MALRD1: variants seen among roughly 807,000 people sequenced by gnomAD.
The protein encoded by MALRD1 is MAM and LDL receptor class A domain containing 1, also known as MAM and LDL-receptor class A domain-containing protein 1.
In MALRD1, 247 loss-of-function variants were observed where a neutral mutation model predicts 242.1. The observed-to-expected ratio is 1.02, with a 90% CI of 0.92 to 1.13. The LOEUF is 1.13. MALRD1 is among the 50% of genes most tolerant of loss of function. MALRD1 has a pLI of 0.00. For synonymous variants in MALRD1, 995 were observed against 866.6 expected (o/e 1.15, Z -2.60); for missense variants, 2,989 against 2,533.1 (o/e 1.18, Z -3.86).
rs189724428 is a variant in MALRD1 at position 19,295,071 on chromosome 10, T to A, written c.3419+11890T>A. 7.9e-5 allele frequency among the ~76,000 whole-genome samples: 12 copies of A among 152,232 alleles called. No homozygotes were observed. In the East Asian group the frequency reaches 1.7e-3, roughly 22 times the overall value. ...AAAATTTACTAATTCAAGTCATCAC[T>A]GTTATTAGTTGCTTTTGGTGATAAA... On this transcript the variant is annotated intron_variant, in intron 21 of 39. Coordinates refer to ENST00000454679, the MANE Select transcript of MALRD1 (RefSeq NM_001142308.3).
At position 19,204,164 on chromosome 10, in the gene MALRD1, G is replaced by A. The variant is rs1284880055; in HGVS notation, c.2105-144G>A. ...GTTCAATATTTATCAGAACAAATTT[G>A]ACTAAGAGTCACTGATTGATTATTG... On this transcript the variant is annotated intron_variant, in intron 15 of 39. Coordinates refer to ENST00000454679, the MANE Select transcript of MALRD1 (RefSeq NM_001142308.3). 4 of 670,598 alleles carry A rather than the reference G, an allele frequency of 6.0e-6. No homozygotes were observed. The East Asian group carries it at 1.1e-4, about 18-fold the overall frequency. 41.5% of individuals were successfully genotyped at this position (670,598 alleles called of 1,614,324 possible).
At chr10:19,256,769 T>C (rs11009155) in intron 18 of MALRD1, among the ~76,000 whole-genome samples, 69,587 of 151,848 alleles carry the variant, frequency 0.46, 16,527 homozygotes, top group Admixed American at 0.6. Context: ...TTTGTGGTAA[T>C]TTTCAATGAA....
chr10:19,614,509 T>G, intron 35 of MALRD1, among the ~76,000 whole-genome samples: 1 of 151,950 alleles, frequency 6.6e-6, no homozygotes, highest in East Asian at 1.9e-4. Context: ...TTGCAGTGTG[T>G]TAAGTAAAAA....
At chr10:19,650,710 A>T (rs2131704514) in intron 36 of MALRD1, among the ~76,000 whole-genome samples, 1 of 152,306 alleles carries the variant, frequency 6.6e-6, no homozygotes, top group East Asian at 1.9e-4. Context: ...ATAAAAGTAG[A>T]TTGCAGCCTG....
At chr10:19,588,273 C>G (rs945071211) in intron 33 of MALRD1, among the ~76,000 whole-genome samples, 1 of 152,076 alleles carries the variant, frequency 6.6e-6, no homozygotes, top group Admixed American at 6.5e-5. Context: ...TTATGTAACT[C>G]CATATTAATT....
At chr10:19,344,083 G>A (rs1277432995) in intron 24 of MALRD1, among the ~76,000 whole-genome samples, 1 of 152,062 alleles carries the variant, frequency 6.6e-6, no homozygotes, top group Non-Finnish European at 1.5e-5. Flanking sequence ...GTGAATGGCA[G>A]ATATTTTCTC....
chr10:19,079,842 A>G (rs940695616), intron 2 of MALRD1, among the ~76,000 whole-genome samples: 3 of 152,038 alleles, frequency 2.0e-5, no homozygotes, highest in Admixed American at 2.0e-4. Flanking sequence ...CTTTGTTTGC[A>G]GCGGACATGA....
intron 28 of MALRD1, among the ~76,000 whole-genome samples, chr10:19,427,099 TTA>T (rs1833932517): frequency 6.6e-6 from 1 of 152,202 alleles, no homozygotes; most frequent in Non-Finnish European, 1.5e-5. Context: ...GTTTTATATT[TTA>T]TATTCTAGTT....
intron 12 of MALRD1, among the ~76,000 whole-genome samples, chr10:19,156,959 A>C (rs7093764): frequency 0.35 from 52,632 of 151,988 alleles, 9,625 homozygotes; most frequent in Middle Eastern, 0.4. Flanking sequence ...TCTAAAGGCT[A>C]TGGATACTGA....
intron 36 of MALRD1, among the ~76,000 whole-genome samples, chr10:19,656,224 T>C (rs907174753): frequency 6.6e-6 from 1 of 152,180 alleles, no homozygotes; most frequent in African/African-American, 2.4e-5. Context: ...CTAATACTAC[T>C]TGAGGTGTTT....
In MALRD1 at chr10:19,615,922, C is replaced by G; in HGVS notation, c.6136C>G (p.Arg2046Gly). Residue 2046 changes from arginine to glycine, a missense_variant and splice_region_variant, in exon 36 of 40, where the codon CGA (arginine) becomes GGA (glycine). Physicochemically the swap from Arg to Gly is moderately radical, Grantham distance 125. Transcript: ENST00000454679. ...AGTGGAGAAAAATGGTCCTATGTGT[C>G]GGTAAGAAGCATTGTTTAATTTTTT... ...CVVEKNGPMC[R>G]CRQGWKGNRC... 1 of 1,518,418 alleles carries G rather than the reference C, an allele frequency of 6.6e-7. No individual in the cohort carries two copies. Among genetic ancestry groups the G allele is most frequent in the South Asian group, 1.2e-5 (1 of 81,816 alleles). 94.1% of individuals were successfully genotyped at this position (1,518,418 alleles called of 1,614,324 possible).
chr10:19,639,693 A>T (rs10827723), intron 36 of MALRD1, among the ~76,000 whole-genome samples: 8,130 of 152,274 alleles, frequency 0.053, 270 homozygotes, highest in Middle Eastern at 0.11. Context: ...AGCAGTTGAA[A>T]GTTAGTATGC....
At chr10:19,412,394 G>A (rs4450082) in intron 28 of MALRD1, among the ~76,000 whole-genome samples, 11,370 of 152,124 alleles carry the variant, frequency 0.075, 884 homozygotes, top group African/African-American at 0.2. Flanking sequence ...AAGGGGTACT[G>A]GAAAAACCCC....
intron 13 of MALRD1, among the ~76,000 whole-genome samples, chr10:19,172,987 A>G (rs1442963365): frequency 6.6e-6 from 1 of 152,064 alleles, no homozygotes; most frequent in Non-Finnish European, 1.5e-5. Context: ...TACAGAAATC[A>G]TCTCTAATCA....
Position 19,155,164 on chromosome 10 carries a change from C to G in MALRD1, c.1648C>G (p.Pro550Ala). The change falls in exon 12 of 40, where the codon CCA becomes GCA. Residue 550 changes from proline (P) to alanine (A), a missense_variant. Physicochemically the swap from Pro to Ala is conservative, Grantham distance 27. Coordinates refer to ENST00000454679, the MANE Select transcript of MALRD1 (RefSeq NM_001142308.3). ...TACAAAATTGCTCACTGCCTCTACCCCATGTCAGGTAATCAACTGTTCTGA... is the reference window on the plus strand; with the variant it reads ...TACAAAATTGCTCACTGCCTCTACCGCATGTCAGGTAATCAACTGTTCTGA... ...VLTKLLTAST[P>A]CQVQFWYHLS... The G allele has an allele frequency of 1.6e-6, 2 of 1,231,028 alleles. No individual in the cohort carries two copies. Among genetic ancestry groups the G allele is most frequent in the Non-Finnish European group, 1.0e-6 (1 of 987,426 alleles). The allele number at this position is 1,231,028 out of a possible 1,614,324, so 76.3% of individuals were successfully genotyped here.
chr10:19,365,659 TAAAAAAAAAAAAAAAAAAAA>T (rs199989681), intron 26 of MALRD1, among the ~76,000 whole-genome samples: 1 of 122,874 alleles, frequency 8.1e-6, no homozygotes, highest in Non-Finnish European at 1.7e-5. Context: ...TTATAAATTC[TAAAAAAAAAAAAAAAAAAAA>T]AAAAAAAAAC....
At chr10:19,237,532 AT>A (rs1564490285) in intron 18 of MALRD1, among the ~76,000 whole-genome samples, 5 of 135,306 alleles carry the variant, frequency 3.7e-5, no homozygotes, top group South Asian at 2.1e-4. Flanking sequence ...ATATATATAT[AT>A]ATAATTTTAT....
At chr10:19,364,648 T>C (rs912667447) in intron 26 of MALRD1, among the ~76,000 whole-genome samples, 1 of 152,140 alleles carries the variant, frequency 6.6e-6, no homozygotes, top group African/African-American at 2.4e-5. Flanking sequence ...TTTGAATAGT[T>C]GAGTGTAAGT....
rs143771903 is a variant in MALRD1 at position 19,329,772 on chromosome 10, T to C, written c.3688-1597T>C. On this transcript the variant is annotated intron_variant, in intron 23 of 39. Transcript: ENST00000454679. ...TATATTCTGTCTGAAGAAAGATACA[T>C]TGTAGTTTCTCTCTTTTTTAATAAC... 1.7e-3 allele frequency among the ~76,000 whole-genome samples: 263 copies of C among 152,298 alleles called. 1 individual carries two copies. The highest frequency in any genetic ancestry group is 6.0e-3 in the African/African-American group (248 of 41,578).
Sources: gnomAD v4.1 joint callset for allele counts (sites outside exome capture counted in the v4.1 genomes callset) on GRCh38, gnomAD v4.1.1 for gene constraint, MANE v1.5 for transcripts, NCBI Gene and HGNC (gene_info 2026-07-23, HGNC 2026-07-21) for gene names.